ITGA11: variants seen among roughly 807,000 people sequenced by gnomAD.
ITGA11 encodes integrin subunit alpha 11, also known as integrin alpha-11.
Under a neutral mutation model 141.9 loss-of-function variants are expected in ITGA11, and 97 were observed. That is an observed-to-expected ratio of 0.68 (90% confidence interval 0.58 to 0.81). The LOEUF (loss-of-function observed/expected upper bound fraction) is 0.81, where lower values mean the gene tolerates loss of function less well. ITGA11 is among the 30% of genes least tolerant of loss of function. ITGA11 has a pLI of 0.00. For synonymous variants in ITGA11, 658 were observed against 624.6 expected, an observed-to-expected ratio of 1.05 and a Z score of -0.80; for missense variants, 1,387 against 1,559.2, an observed-to-expected ratio of 0.89 and a Z score of 1.86.
At position 68,303,036 on chromosome 15, in the gene ITGA11, A is replaced by G; in HGVS notation, c.*23T>C. 1 of 1,539,578 alleles carries G rather than the reference A, an allele frequency of 6.5e-7. No individual in the cohort carries two copies. Among genetic ancestry groups the G allele is most frequent in the Non-Finnish European group, 8.8e-7 (1 of 1,139,398 alleles). On this transcript the variant is annotated 3_prime_UTR_variant, in exon 30 of 30. Coordinates refer to ENST00000315757, the MANE Select transcript of ITGA11 (RefSeq NM_001004439.2). The surrounding 1 kb of genome is among the most constrained non-coding windows in gnomAD (Gnocchi z 5.3). Reference sequence around the variant, plus strand: ...CTGGACTGGTGTCCTGGCCCCCATCAACTCAAAGTCTCCTCTGGAGCCTCA... The same window carrying G: ...CTGGACTGGTGTCCTGGCCCCCATCGACTCAAAGTCTCCTCTGGAGCCTCA...
At chr15:68,323,442 C>T (rs1893872430) in intron 18 of ITGA11, among the ~76,000 whole-genome samples, 1 of 152,178 alleles carries the variant, frequency 6.6e-6, no homozygotes, top group Non-Finnish European at 1.5e-5. Flanking sequence ...GCAACTGTTA[C>T]ACTCAATAAT....
At chr15:68,306,763 T>C (rs532044586) in intron 28 of ITGA11, among the ~76,000 whole-genome samples, 6 of 152,292 alleles carry the variant, frequency 3.9e-5, no homozygotes, top group African/African-American at 9.6e-5. Flanking sequence ...TGGGGTGGTG[T>C]TGGGAGCTTA....
At chr15:68,330,933 T>C in intron 15 of ITGA11, 48 bp downstream of exon 15, 1 of 1,609,562 alleles carries the variant, frequency 6.2e-7, no homozygotes, top group South Asian at 1.1e-5. Context: ...CTGGATTCAT[T>C]GTGACTTTCA....
In ITGA11 at chr15:68,308,846, GA is replaced by G. The variant is rs567489635; in HGVS notation, c.3175-1151del. ...CAGATCATTCATATCAATTTGTGAG[GA>G]AAAAAAAAATCTTGTTCAGGCCCTC... On this transcript the variant is annotated intron_variant, in intron 26 of 29. Transcript: ENST00000315757. The surrounding 1 kb of genome is among the most constrained non-coding windows in gnomAD (Gnocchi z 5.2). 6.0e-5 allele frequency among the ~76,000 whole-genome samples: 9 copies of G among 150,340 alleles called. No homozygotes were observed. Among genetic ancestry groups the G allele is most frequent in the African/African-American group, 9.8e-5 (4 of 40,968 alleles).
chr15:68,350,557 G>T, intron 9 of ITGA11, 60 bp downstream of exon 9: 2 of 1,503,112 alleles, frequency 1.3e-6, no homozygotes, highest in Non-Finnish European at 9.1e-7. Context: ...TGTGCTCTAC[G>T]GGGTTTACCT....
At position 68,331,129 on chromosome 15, in the gene ITGA11, A is replaced by G; in HGVS notation, c.1771-18T>C. On this transcript the variant is annotated intron_variant, in intron 14 of 29. Transcript: ENST00000315757. ...GTGATTCTCTGCAGGGCGCGGGAAG[A>G]GAGGGGGAGGGCATGCACACTGTGA... The G allele has an allele frequency of 6.8e-7, 1 of 1,462,986 alleles. No homozygotes were observed. Among genetic ancestry groups the G allele is most frequent in the East Asian group, 2.8e-5 (1 of 35,416 alleles). The allele number at this position is 1,462,986 out of a possible 1,614,324, so 90.6% of individuals were successfully genotyped here.
chr15:68,369,268 G>C lies in ITGA11; in HGVS notation c.181C>G (p.Pro61Ala). ...TTCTGGTAGCCATTGGTTTCCAGTGGGGCGCCCACGACCAGCCTGGGAAGG... is the reference window on the plus strand; with the variant it reads ...TTCTGGTAGCCATTGGTTTCCAGTGCGGCGCCCACGACCAGCCTGGGAAGG... ...SGNKWLVVGA[P>A]LETNGYQKTG... The change falls in exon 3 of 30, where the codon CCA becomes GCA. Residue 61 changes from proline (P) to alanine (A), a missense_variant. By Grantham distance (27) the Pro-to-Ala change is conservative. Coordinates refer to ENST00000315757, the MANE Select transcript of ITGA11 (RefSeq NM_001004439.2). 5 of 1,613,814 alleles carry C rather than the reference G, an allele frequency of 3.1e-6. No individual in the cohort carries two copies. The highest frequency in any genetic ancestry group is 4.2e-6 in the Non-Finnish European group (5 of 1,179,790).
rs1051900717 is a variant in ITGA11 at position 68,304,998 on chromosome 15, C to T, written c.3382-1113G>A. On this transcript the variant is annotated intron_variant, in intron 28 of 29. Coordinates refer to ENST00000315757, the MANE Select transcript of ITGA11 (RefSeq NM_001004439.2). This position sits in a 1 kb window ranked among gnomAD's most constrained non-coding sequence, Gnocchi z 6.1. Reference sequence around the variant, plus strand: ...ATAGCAACTAGAGGGATCCTTCTAACGAGGAAGGCAGGCTTATGCTCTGCT... The same window carrying T: ...ATAGCAACTAGAGGGATCCTTCTAATGAGGAAGGCAGGCTTATGCTCTGCT... 1.1e-4 allele frequency among the ~76,000 whole-genome samples: 16 copies of T among 152,216 alleles called. No individual in the cohort carries two copies. The highest frequency in any genetic ancestry group is 3.4e-4 in the African/African-American group (14 of 41,462).
At chr15:68,386,840 TCCCTC>T (rs1247205994) in intron 2 of ITGA11, among the ~76,000 whole-genome samples, 4 of 152,034 alleles carry the variant, frequency 2.6e-5, no homozygotes, top group Non-Finnish European at 5.9e-5. Context: ...TCTTTATCCT[TCCCTC>T]CTCTCGTGGG....
At position 68,328,137 on chromosome 15, in the gene ITGA11, G is replaced by T. The variant is rs562059147; in HGVS notation, c.2027C>A (p.Thr676Lys). Residue 676 changes from threonine (T) to lysine (K), a missense_variant, in exon 16 of 30, where the codon ACG becomes AAG. Thr to Lys is a moderately conservative substitution (Grantham distance 78, BLOSUM62 -1). Transcript: ENST00000315757. The surrounding 1 kb of genome is among the most constrained non-coding windows in gnomAD (Gnocchi z 4.8). ...ATCLAAFLCF[T>K]PIFLAPHFQT... ...GAAATGGGGTGCCAGGAAGATGGGC[G>T]TGAAGCAGAGGAAGGCGGCCAGGCA... is the stretch of plus-strand genomic sequence containing the variant. 4 of 1,613,912 alleles carry T rather than the reference G, an allele frequency of 2.5e-6. No individual in the cohort carries two copies. Among genetic ancestry groups the T allele is most frequent in the South Asian group, 1.1e-5 (1 of 91,090 alleles).
chr15:68,358,122 T>G (rs188419306), intron 6 of ITGA11, among the ~76,000 whole-genome samples: 2 of 152,198 alleles, frequency 1.3e-5, no homozygotes, highest in African/African-American at 4.8e-5. Flanking sequence ...ATGACCTGTA[T>G]GTCTAATTCT....
chr15:68,367,344 A>T lies in ITGA11; in HGVS notation c.265+1840T>A, dbSNP rs148019663. ...CTGCCCACTCTTCCACCACACCCCA[A>T]CCTCATTGCCTCTGTCCCAACCACA... On this transcript the variant is annotated intron_variant, in intron 3 of 29. Coordinates refer to ENST00000315757, the MANE Select transcript of ITGA11 (RefSeq NM_001004439.2). 1.4e-3 allele frequency among the ~76,000 whole-genome samples: 211 copies of T among 151,754 alleles called. 1 individual carries two copies. Among genetic ancestry groups the T allele is most frequent in the African/African-American group, 5.0e-3 (207 of 41,384 alleles).
Position 68,307,769 on chromosome 15 carries a change from G to T in ITGA11, c.3175-73C>A. 1 of 1,012,100 alleles carries T rather than the reference G, an allele frequency of 9.9e-7. No homozygotes were observed. Among genetic ancestry groups the T allele is most frequent in the Non-Finnish European group, 1.5e-6 (1 of 656,632 alleles). 62.7% of individuals were successfully genotyped at this position (1,012,100 alleles called of 1,614,324 possible). A position where few individuals can be genotyped will look rare whatever the true frequency, so the allele number is the denominator to read the frequency against. The stretch of plus-strand genomic sequence containing the variant: ...CAGGGGGCAGCAACACTGCTTGAAC[G>T]ACTGGGGCTCTGCTCCTGGGGGCAG... On this transcript the variant is annotated intron_variant, in intron 26 of 29. Coordinates refer to ENST00000315757, the MANE Select transcript of ITGA11 (RefSeq NM_001004439.2). The surrounding 1 kb of genome is among the most constrained non-coding windows in gnomAD (Gnocchi z 6.1).
intron 1 of ITGA11, among the ~76,000 whole-genome samples, chr15:68,411,814 G>T (rs1309623133): frequency 6.6e-6 from 1 of 152,168 alleles, no homozygotes; most frequent in East Asian, 1.9e-4. Context: ...TTCCCAGCTT[G>T]GGCCTTAGGA....
At chr15:68,403,558 G>C (rs1896563411) in intron 1 of ITGA11, among the ~76,000 whole-genome samples, 1 of 152,274 alleles carries the variant, frequency 6.6e-6, no homozygotes, top group Middle Eastern at 3.4e-3. Context: ...AGAAGCAGAT[G>C]CTGGCACCAT....
At chr15:68,402,769 T>A in intron 2 of ITGA11, 149 bp downstream of exon 2, 1 of 602,630 alleles carries the variant, frequency 1.7e-6, no homozygotes, top group Non-Finnish European at 3.0e-6. Flanking sequence ...GCCTGTGCAG[T>A]CTCTGACCTG....
intron 11 of ITGA11, among the ~76,000 whole-genome samples, chr15:68,339,211 C>T (rs1189571372): frequency 1.3e-5 from 2 of 152,218 alleles, no homozygotes; most frequent in African/African-American, 4.8e-5. Flanking sequence ...ACAGCTGACC[C>T]AGAGTCTAGA....
intron 20 of ITGA11, among the ~76,000 whole-genome samples, chr15:68,318,691 T>C (rs12441197): frequency 0.083 from 12,537 of 151,718 alleles, 1,473 homozygotes; most frequent in East Asian, 0.54. Flanking sequence ...CTTCCCCTCC[T>C]GGCTATAGGA....
chr15:68,390,302 C>G (rs913944584), intron 2 of ITGA11, among the ~76,000 whole-genome samples: 2 of 152,120 alleles, frequency 1.3e-5, no homozygotes, highest in African/African-American at 4.8e-5. Flanking sequence ...TACTGCGGGC[C>G]CTTGACGTTC....
Sources: allele counts gnomAD v4.1 joint callset (sites outside exome capture counted in the v4.1 genomes callset), GRCh38; gene constraint gnomAD v4.1.1; non-coding constraint Gnocchi (gnomAD v3.1); transcripts MANE v1.5; gene names NCBI Gene and HGNC (gene_info 2026-07-23, HGNC 2026-07-21).